CES1: variants seen among roughly 807,000 people sequenced by gnomAD.
CES1 encodes liver carboxylesterase 1.
A neutral mutation model predicts 53.0 loss-of-function variants in CES1; 50 were observed. The observed-to-expected ratio is 0.94, with a 90% CI of 0.75 to 1.19. The LOEUF is 1.19. Ranked by LOEUF, CES1 falls within the 50% of genes most tolerant of loss-of-function variation. The pLI is 0.00. For missense variants in CES1, 534 were observed against 538.0 expected, an observed-to-expected ratio of 0.99 and a Z score of 0.07; for synonymous variants, 202 against 210.1, an observed-to-expected ratio of 0.96 and a Z score of 0.33.
chr16:55,831,661 A>C (rs1236194071), intron 1 of CES1, among the ~76,000 whole-genome samples: 1 of 149,390 alleles, frequency 6.7e-6, no homozygotes, highest in African/African-American at 2.4e-5. Flanking sequence ...TGCCAGGAGT[A>C]ACCAGAGGTA....
chr16:55,816,214 G>T (rs28479342), intron 8 of CES1, among the ~76,000 whole-genome samples: 108,417 of 147,656 alleles, frequency 0.73, 39,264 homozygotes, highest in Non-Finnish European at 0.82. Flanking sequence ...GCACTGTCCT[G>T]GCACTGTAAT....
chr16:55,814,075 A>G (rs1327137812), intron 8 of CES1, among the ~76,000 whole-genome samples: 1 of 152,078 alleles, frequency 6.6e-6, no homozygotes, highest in African/African-American at 2.4e-5. Flanking sequence ...GGAAGAGATT[A>G]TGCTATCTAT....
At chr16:55,831,153 G>A (rs1000024830) in intron 1 of CES1, among the ~76,000 whole-genome samples, 2 of 151,150 alleles carry the variant, frequency 1.3e-5, no homozygotes, top group Non-Finnish European at 2.9e-5. Context: ...TGAGAGGGAA[G>A]AGAAAAAAAA....
chr16:55,824,697 G>T (rs1338629176), intron 3 of CES1, among the ~76,000 whole-genome samples: 14 of 152,340 alleles, frequency 9.2e-5, no homozygotes, highest in African/African-American at 3.4e-4. Context: ...TTAGGGCAGG[G>T]GTATGAGCCT....
At position 55,812,666 on chromosome 16, in the gene CES1, G is replaced by C. The variant is rs183034369; in HGVS notation, c.1086+237C>G. ...GGCCCTCCCAGCACAGACACTTCAG[G>C]ATTCTTCAATAGGAAGACAATAAGA... On this transcript the variant is annotated intron_variant, in intron 9 of 13. Transcript: ENST00000360526. Among the ~76,000 whole-genome samples, 8 of 152,218 alleles carry C rather than the reference G, an allele frequency of 5.3e-5. No individual in the cohort carries two copies. The East Asian group carries it at 1.3e-3, about 26-fold the overall frequency.
chr16:55,813,847 C>A (rs1306340199), intron 8 of CES1, among the ~76,000 whole-genome samples: 8 of 152,224 alleles, frequency 5.3e-5, no homozygotes, highest in Non-Finnish European at 1.2e-4. Flanking sequence ...ACTAAATAGA[C>A]CGCGAAGAGG....
At chr16:55,817,710 G>GTGTGTCTCTGTGTGTGTGTGTCTGTA (rs1279496554) in intron 7 of CES1, among the ~76,000 whole-genome samples, 6 of 151,814 alleles carry the variant, frequency 4.0e-5, no homozygotes, top group Non-Finnish European at 7.4e-5. Flanking sequence ...GGGTGTCTGT[G>GTGTGTCTCTGTGTGTGTGTGTCTGTA]TGTGTCTCTG....
At chr16:55,821,106 TG>T (rs2032170124) in intron 5 of CES1, among the ~76,000 whole-genome samples, 2 of 150,272 alleles carry the variant, frequency 1.3e-5, no homozygotes, top group African/African-American at 4.9e-5. Context: ...TCAACCAAGC[TG>T]GAAGAGGAGA....
intron 11 of CES1, among the ~76,000 whole-genome samples, chr16:55,810,137 A>G (rs1268255465): frequency 1.3e-5 from 2 of 151,806 alleles, no homozygotes; most frequent in Non-Finnish European, 2.9e-5. Flanking sequence ...CTCCCTTGCC[A>G]CTCAGATGGG....
chr16:55,831,443 G>C (rs2032668759), intron 1 of CES1, among the ~76,000 whole-genome samples: 1 of 151,250 alleles, frequency 6.6e-6, no homozygotes, highest in Non-Finnish European at 1.5e-5. Flanking sequence ...AGAAACAAGT[G>C]TGAGAACAAG....
At chr16:55,829,045 C>T (rs1282631752) in intron 1 of CES1, 71 bp from the exon 2 acceptor site, 63 of 1,522,076 alleles carry the variant, frequency 4.1e-5, no homozygotes, top group East Asian at 2.9e-4. Flanking sequence ...TGGAGTTTGC[C>T]GCTTTCTAAG....
chr16:55,816,034 C>T (rs561230555), intron 8 of CES1, among the ~76,000 whole-genome samples: 612 of 152,364 alleles, frequency 4.0e-3, no homozygotes, highest in African/African-American at 0.014. Flanking sequence ...ATAGGCTTCT[C>T]CAGGTTTCCT....
chr16:55,813,140 G>A (rs1234722454), intron 8 of CES1, 97 bp from the exon 9 acceptor site: 60 of 1,523,326 alleles, frequency 3.9e-5, no homozygotes, highest in African/African-American at 2.5e-4. Context: ...ACCATAGACC[G>A]GCATGGCCAT....
chr16:55,815,540 G>A (rs1162230037), intron 8 of CES1, among the ~76,000 whole-genome samples: 1 of 152,188 alleles, frequency 6.6e-6, no homozygotes, highest in Non-Finnish European at 1.5e-5. Context: ...GCCCTGTGTG[G>A]GCACAACCTT....
intron 11 of CES1, among the ~76,000 whole-genome samples, chr16:55,809,116 T>G (rs1464598616): frequency 2.5e-5 from 1 of 40,268 alleles, no homozygotes; most frequent in Non-Finnish European, 7.3e-5. Context: ...AAAAAAGCCC[T>G]GAACTTAAAG....
At chr16:55,811,032 G>A (rs1450061670) in intron 9 of CES1, 22 bp from the exon 10 acceptor site, 2 of 1,533,148 alleles carry the variant, frequency 1.3e-6, no homozygotes, top group South Asian at 1.1e-5. Context: ...AAAAAGTTCA[G>A]CATTTATGAA....
intron 7 of CES1, among the ~76,000 whole-genome samples, chr16:55,818,144 G>A (rs1185890649): frequency 1.3e-5 from 2 of 152,154 alleles, no homozygotes; most frequent in Non-Finnish European, 2.9e-5. Flanking sequence ...AGAGAGTCCA[G>A]GCTACTCCTG....
intron 9 of CES1, among the ~76,000 whole-genome samples, chr16:55,811,578 G>A (rs1490575503): frequency 2.0e-5 from 3 of 152,112 alleles, no homozygotes; most frequent in African/African-American, 4.8e-5. Context: ...ATTGCTTCTA[G>A]CAGCTTAAGG....
chr16:55,826,289 G>A lies in CES1; in HGVS notation c.267C>T (p.Thr89=), dbSNP rs1597088125. The change falls in exon 3 of 14, where the codon ACC becomes ACT. Residue 89 remains threonine (T), a synonymous_variant. Coordinates refer to ENST00000360526, the MANE Select transcript of CES1 (RefSeq NM_001025195.2). ...KNATSYPPMC[T]QDPKAGQLLS... is the part of the protein sequence containing the mutation. ...GTAACTGCCCCGCCTTGGGATCTTG[G>A]GTGCACCTGGGGAGGGGGAAAGAAG... The A allele has an allele frequency of 6.2e-7, 1 of 1,613,986 alleles. No homozygotes were observed.
Sources: gnomAD v4.1 joint callset for allele counts (sites outside exome capture counted in the v4.1 genomes callset) on GRCh38, gnomAD v4.1.1 for gene constraint, MANE v1.5 for transcripts, NCBI Gene and HGNC (gene_info 2026-07-23, HGNC 2026-07-21) for gene names.